LMAN1: variants seen among roughly 807,000 people sequenced by gnomAD.
LMAN1 encodes the protein lectin, mannose binding 1, also known as protein ERGIC-53.
LMAN1 carries 32 observed loss-of-function variants against 67.8 expected under a neutral mutation model. The ratio of observed to expected loss-of-function variants is 0.47; its 90% CI spans 0.36 to 0.63. The LOEUF is 0.63. Ranked by LOEUF, LMAN1 falls within the 30% of genes least tolerant of loss-of-function variation. The probability of loss-of-function intolerance (pLI) is 0.00; values close to 1 mark genes in which losing one functional copy is unlikely to be tolerated. For missense variants in LMAN1, 632 were observed against 628.2 expected (o/e 1.01, Z -0.06); for synonymous variants, 235 against 219.3 (o/e 1.07, Z -0.63).
intron 5 of LMAN1, among the ~76,000 whole-genome samples, chr18:59,350,525 C>T (rs1368013707): frequency 2.0e-5 from 3 of 152,122 alleles, no homozygotes; most frequent in South Asian, 2.1e-4. Context: ...GACAGGGTCT[C>T]GCTCTGTCGC....
chr18:59,339,066 A>C (rs1266117256), intron 8 of LMAN1, 113 bp from the exon 9 acceptor site: 11 of 762,122 alleles, frequency 1.4e-5, no homozygotes, highest in Non-Finnish European at 2.5e-5. Flanking sequence ...TCACCATCAC[A>C]GTGGTACAAT....
At chr18:59,340,418 C>A (rs1422801101) in intron 8 of LMAN1, among the ~76,000 whole-genome samples, 13 of 152,028 alleles carry the variant, frequency 8.6e-5, no homozygotes, top group African/African-American at 2.9e-4. Flanking sequence ...AATGGAAATT[C>A]CATCAGATTA....
In LMAN1 at chr18:59,359,106, C is replaced by T; in HGVS notation, c.139G>A (p.Glu47Lys). The change falls in exon 1 of 13, where the codon GAG (glutamate) becomes AAG (lysine). Residue 47 changes from glutamate (E) to lysine (K), a missense_variant. Glu to Lys is a moderately conservative substitution (Grantham distance 56, BLOSUM62 1). Coordinates refer to ENST00000251047, the MANE Select transcript of LMAN1 (RefSeq NM_005570.4). Reference protein sequence around the residue: ...PAVALPHRRFEYKYSFKGPHL... With the variant: ...PAVALPHRRFKYKYSFKGPHL... ...GGCCCCTTGAAGCTGTATTTGTACT[C>T]GAAACGGCGATGTGGCAACGCGACC... is the stretch of plus-strand genomic sequence containing the variant. 6.2e-7 allele frequency: 1 copy of T among 1,614,094 alleles called. No homozygotes were observed. Among genetic ancestry groups the T allele is most frequent in the South Asian group, 1.1e-5 (1 of 91,090 alleles).
intron 5 of LMAN1, among the ~76,000 whole-genome samples, chr18:59,351,762 T>C (rs1325289508): frequency 6.6e-6 from 1 of 152,224 alleles, no homozygotes; most frequent in African/African-American, 2.4e-5. Flanking sequence ...ACGGACAGTC[T>C]GCACCCACCA....
In LMAN1 at chr18:59,331,442, A is replaced by G. The variant is rs1372165656; in HGVS notation, c.1472T>C (p.Leu491Ser). The G allele has an allele frequency of 1.9e-6, 3 of 1,609,368 alleles. No individual in the cohort carries two copies. In the Admixed American group the frequency reaches 5.0e-5, roughly 27 times the overall value. Residue 491 changes from leucine (L) to serine (S), a missense_variant, in exon 12 of 13, where the codon TTA (leucine) becomes TCA (serine). By Grantham distance (145) the Leu-to-Ser change is moderately radical. Transcript: ENST00000251047. ...CCTATACATGATATAACCAATGAAT[A>G]ATACAGTTTGCACCACAACAAATAT... ...FIIFVVVQTVLFIGYIMYRSQ... is the reference protein window; with the variant it reads ...FIIFVVVQTVSFIGYIMYRSQ...
chr18:59,343,507 A>G (rs1181179426), intron 8 of LMAN1, among the ~76,000 whole-genome samples: 2 of 152,100 alleles, frequency 1.3e-5, no homozygotes, highest in South Asian at 2.1e-4. Context: ...CATACCTACA[A>G]TCAACTGATC....
At chr18:59,331,390 T>C in intron 12 of LMAN1, 28 bp downstream of exon 12, 2 of 1,589,022 alleles carry the variant, frequency 1.3e-6, no homozygotes, top group African/African-American at 1.3e-5. Flanking sequence ...CAGAAAAATA[T>C]TGGGTCACAT....
At chr18:59,331,375 A>G (rs369367097) in intron 12 of LMAN1, 43 bp downstream of exon 12, 1 of 1,551,932 alleles carries the variant, frequency 6.4e-7, no homozygotes, top group African/African-American at 1.4e-5. Context: ...CTAATTAAAC[A>G]GATGCAGAAA....
chr18:59,346,636 T>TCA, intron 7 of LMAN1, among the ~76,000 whole-genome samples: 1 of 151,950 alleles, frequency 6.6e-6, no homozygotes, highest in Non-Finnish European at 1.5e-5. Context: ...TTCTCCAGCC[T>TCA]CAGCCTCCTG....
intron 3 of LMAN1, among the ~76,000 whole-genome samples, chr18:59,354,863 T>C (rs1908624492): frequency 6.6e-6 from 1 of 152,144 alleles, no homozygotes; most frequent in African/African-American, 2.4e-5. Context: ...ATCTTAACTG[T>C]TTTAGGAGAG....
intron 7 of LMAN1, among the ~76,000 whole-genome samples, chr18:59,347,271 A>G (rs1449410188): frequency 7.6e-6 from 1 of 132,170 alleles, no homozygotes; most frequent in African/African-American, 2.8e-5. Context: ...CAGAGAGCAG[A>G]TATCGCGCCA....
chr18:59,337,071 GTAACTT>G (rs1908175497), intron 10 of LMAN1, among the ~76,000 whole-genome samples: 2 of 151,054 alleles, frequency 1.3e-5, no homozygotes, highest in South Asian at 4.2e-4. Context: ...GGGAAATACA[GTAACTT>G]TAAAGTAGAG....
At chr18:59,346,085 A>C (rs1364631326) in intron 7 of LMAN1, 34 bp from the exon 8 acceptor site, 1 of 1,539,054 alleles carries the variant, frequency 6.5e-7, no homozygotes, top group South Asian at 1.2e-5. Context: ...GATCATTAAA[A>C]AGATAAGAAA....
At chr18:59,346,395 T>G (rs1305294185) in intron 7 of LMAN1, among the ~76,000 whole-genome samples, 1 of 151,428 alleles carries the variant, frequency 6.6e-6, no homozygotes, top group East Asian at 1.9e-4. Context: ...TAATTTTTTT[T>G]GTATTTTTTA....
chr18:59,331,027 A>G lies in LMAN1; in HGVS notation c.*66T>C. Reference sequence around the variant, plus strand: ...ATTTAGACTATGAAGCAATTTAAATACTTAAATTCCCTCAAAACGACATCA... The same window carrying G: ...ATTTAGACTATGAAGCAATTTAAATGCTTAAATTCCCTCAAAACGACATCA... On this transcript the variant is annotated 3_prime_UTR_variant, in exon 13 of 13. Coordinates refer to ENST00000251047, the MANE Select transcript of LMAN1 (RefSeq NM_005570.4). 1 of 1,061,488 alleles carries G rather than the reference A, an allele frequency of 9.4e-7. No individual in the cohort carries two copies. Among genetic ancestry groups the G allele is most frequent in the Non-Finnish European group, 1.4e-6 (1 of 691,776 alleles). 65.8% of individuals were successfully genotyped at this position (1,061,488 alleles called of 1,614,324 possible).
chr18:59,355,650 G>C lies in LMAN1; in HGVS notation c.223C>G (p.Pro75Ala), dbSNP rs1250640632. The part of the protein sequence containing the change: ...PFWAHAGNAI[P>A]SSDQIRVAPS... ...GCTACTCGAATTTGATCTGAACTTG[G>C]AATAGCATCTAGAACAGAAATCAGG... Residue 75 changes from proline (P) to alanine (A), a missense_variant, in exon 2 of 13, where the codon CCA (proline) becomes GCA (alanine). Pro to Ala is a conservative substitution (Grantham distance 27). Coordinates refer to ENST00000251047, the MANE Select transcript of LMAN1 (RefSeq NM_005570.4). 1 of 1,613,658 alleles carries C rather than the reference G, an allele frequency of 6.2e-7. No homozygotes were observed. Among genetic ancestry groups the C allele is most frequent in the Non-Finnish European group, 8.5e-7 (1 of 1,179,892 alleles).
chr18:59,333,526 A>T, intron 10 of LMAN1: 2 of 332,748 alleles, frequency 6.0e-6, no homozygotes. Context: ...GATATTGAAT[A>T]TAATGGATGA....
chr18:59,352,653 A>G (rs940797835), intron 5 of LMAN1: 27 of 167,474 alleles, frequency 1.6e-4, no homozygotes, highest in Middle Eastern at 3.0e-3. Flanking sequence ...TCTTCCCCCA[A>G]CTCCCAGGAA....
intron 11 of LMAN1, among the ~76,000 whole-genome samples, chr18:59,332,513 G>A (rs2070753503): frequency 2.0e-5 from 3 of 152,052 alleles, no homozygotes; most frequent in African/African-American, 7.2e-5. Context: ...TAATCTATTA[G>A]TATATTTTCT....
Sources: allele counts gnomAD v4.1 joint callset (sites outside exome capture counted in the v4.1 genomes callset), GRCh38; gene constraint gnomAD v4.1.1; transcripts MANE v1.5; gene names NCBI Gene and HGNC (gene_info 2026-07-23, HGNC 2026-07-21).